Variants in ZPBP2 observed in about 807,000 individuals in gnomAD.
ZPBP2 encodes zona pellucida binding protein 2.
Under a neutral mutation model 37.5 loss-of-function variants are expected in ZPBP2, and 34 were observed. The observed-to-expected ratio is 0.91, with a 90% CI of 0.69 to 1.21. The LOEUF (loss-of-function observed/expected upper bound fraction) is 1.21. Ranked by LOEUF, ZPBP2 falls within the 50% of genes most tolerant of loss-of-function variation. The probability of loss-of-function intolerance (pLI) is 0.00; values close to 1 mark genes in which losing one functional copy is unlikely to be tolerated. For missense variants in ZPBP2, 397 were observed against 413.5 expected, an observed-to-expected ratio of 0.96 and a Z score of 0.35; for synonymous variants, 143 against 138.4, an observed-to-expected ratio of 1.03 and a Z score of -0.23.
At position 39,870,779 on chromosome 17, in the gene ZPBP2, C is replaced by A; in HGVS notation, c.204C>A (p.Pro68=). 6.4e-7 allele frequency: 1 copy of A among 1,566,302 alleles called. No individual in the cohort carries two copies. The highest frequency in any genetic ancestry group is 1.3e-5 in the African/African-American group (1 of 74,490). ...FKLSKKEIVD[P]TYLWIGPNEK... is the part of the protein sequence containing the mutation. ...TTTCTAAAAAAGAAATAGTGGACCC[C>A]ACCTACTTATGGATTGGGCCTAATG... is the stretch of plus-strand genomic sequence containing the variant. Residue 68 remains proline, a synonymous_variant, in exon 3 of 8, where the codon CCC becomes CCA. Coordinates refer to ENST00000348931, the MANE Select transcript of ZPBP2 (RefSeq NM_199321.3).
At chr17:39,873,906 T>G (rs1206272215) in intron 6 of ZPBP2, among the ~76,000 whole-genome samples, 2 of 152,138 alleles carry the variant, frequency 1.3e-5, no homozygotes, top group Admixed American at 6.6e-5. Context: ...TTAGTTAAAA[T>G]TAGTTATTAT....
chr17:39,875,565 T>A, intron 7 of ZPBP2, 131 bp downstream of exon 7: 1 of 721,298 alleles, frequency 1.4e-6, no homozygotes, highest in Non-Finnish European at 2.0e-6. Context: ...TATATTTAGC[T>A]AAAAGGAAGT....
Sources: allele counts gnomAD v4.1 joint callset (sites outside exome capture counted in the v4.1 genomes callset), GRCh38; gene constraint gnomAD v4.1.1; transcripts MANE v1.5; gene names NCBI Gene and HGNC (gene_info 2026-07-23, HGNC 2026-07-21).